The following CAPZB variants were observed in gnomAD, a reference collection of about 807,000 sequenced individuals.
CAPZB encodes F-actin-capping protein subunit beta.
CAPZB carries 2 observed loss-of-function variants against 38.1 expected under a neutral mutation model. That is an observed-to-expected ratio of 0.05 (90% CI 0.02 to 0.17). The LOEUF (loss-of-function observed/expected upper bound fraction) is 0.17, where lower values mean the gene tolerates loss of function less well. Among genes scored for constraint, CAPZB ranks in the 10% least tolerant of loss-of-function variants. The pLI is 1.00. For synonymous variants in CAPZB, 107 were observed against 127.4 expected (o/e 0.84, Z 1.08); for missense variants, 161 against 334.2 (o/e 0.48, Z 4.04).
rs923836204 is a variant in CAPZB at position 19,420,412 on chromosome 1, T to TA, written c.4-663dup. On this transcript the variant is annotated intron_variant, in intron 1 of 8. Transcript: ENST00000264202. ...TACTCTTGTTTATCAAGCACTCTTTTAAAAAATGTTTTTCATTTTTTAAAG... is the reference window on the plus strand; with the variant it reads ...TACTCTTGTTTATCAAGCACTCTTTTAAAAAAATGTTTTTCATTTTTTAAAG... 1.1e-3 allele frequency among the ~76,000 whole-genome samples: 173 copies of TA among 152,256 alleles called. 3 individuals carry two copies. Among genetic ancestry groups the TA allele is most frequent in the African/African-American group, 4.1e-3 (170 of 41,546 alleles).
At chr1:19,428,711 G>A (rs572741419) in intron 1 of CAPZB, among the ~76,000 whole-genome samples, 3 of 152,114 alleles carry the variant, frequency 2.0e-5, no homozygotes, top group East Asian at 1.9e-4. Flanking sequence ...ACCTAAACCT[G>A]GATCTTCTTC....
intron 1 of CAPZB, among the ~76,000 whole-genome samples, chr1:19,422,659 C>A (rs1364139915): frequency 6.6e-6 from 1 of 151,882 alleles, no homozygotes; most frequent in African/African-American, 2.4e-5. Flanking sequence ...ATGGCATGAA[C>A]CCGGGAGGCA....
intron 4 of CAPZB, among the ~76,000 whole-genome samples, chr1:19,360,225 G>A (rs535053148): frequency 9.8e-5 from 15 of 152,314 alleles, no homozygotes; most frequent in African/African-American, 3.1e-4. Flanking sequence ...TAACAGACCT[G>A]CTAATACCCT....
chr1:19,357,733 C>G lies in CAPZB; in HGVS notation c.330-170G>C, dbSNP rs919349784. On this transcript the variant is annotated intron_variant, in intron 4 of 8. Transcript: ENST00000264202. The surrounding 1 kb of genome is among the most constrained non-coding windows in gnomAD (Gnocchi z 4.3). ...CGTTCTGTGGCTGGGGGAGGGGGTG[C>G]AGCATTCCTGGGGGTGTAGTAGGTT... is the stretch of plus-strand genomic sequence containing the variant. Among the ~76,000 whole-genome samples the G allele has an allele frequency of 1.3e-5, 2 of 151,886 alleles. No homozygotes were observed. The highest frequency in any genetic ancestry group is 2.9e-5 in the Non-Finnish European group (2 of 67,990).
chr1:19,451,391 A>C (rs986807511), intron 1 of CAPZB, among the ~76,000 whole-genome samples: 23 of 152,348 alleles, frequency 1.5e-4, no homozygotes, highest in African/African-American at 4.3e-4. Context: ...AAGGCCTTTC[A>C]GAGTGGAAAT....
At chr1:19,339,653 C>T (rs1421792869) in intron 8 of CAPZB, 36 bp from the exon 9 acceptor site, 2 of 1,515,250 alleles carry the variant, frequency 1.3e-6, no homozygotes, top group Admixed American at 1.7e-5. Flanking sequence ...GCAGATTGAA[C>T]AGGGACTGGT....
intron 2 of CAPZB, among the ~76,000 whole-genome samples, chr1:19,396,092 G>A (rs547207673): frequency 1.3e-5 from 2 of 152,362 alleles, no homozygotes; most frequent in Non-Finnish European, 2.9e-5. Flanking sequence ...AGCCGCGACG[G>A]CAGAGGCCGT....
At chr1:19,464,563 A>T (rs1281272072) in intron 1 of CAPZB, among the ~76,000 whole-genome samples, 2 of 152,038 alleles carry the variant, frequency 1.3e-5, no homozygotes, top group Non-Finnish European at 1.5e-5. Context: ...AAATGCTGGG[A>T]TTACAGGTGT....
chr1:19,405,317 A>G (rs542042094), intron 2 of CAPZB, among the ~76,000 whole-genome samples: 5 of 152,254 alleles, frequency 3.3e-5, no homozygotes, highest in Admixed American at 2.0e-4. Context: ...CGGAAGCCAG[A>G]GGGCCCTCCA....
chr1:19,474,170 AT>A, intron 1 of CAPZB, among the ~76,000 whole-genome samples: 1 of 151,952 alleles, frequency 6.6e-6, no homozygotes, highest in African/African-American at 2.4e-5. Context: ...TAATTTTTGT[AT>A]TTTTTGTAGA....
intron 4 of CAPZB, among the ~76,000 whole-genome samples, chr1:19,373,308 AG>A (rs1460758363): frequency 2.0e-5 from 3 of 152,176 alleles, no homozygotes; most frequent in Non-Finnish European, 4.4e-5. Flanking sequence ...TTCAATCCAC[AG>A]GGGAGAGGGG....
At chr1:19,374,826 G>A (rs1378983605) in intron 4 of CAPZB, among the ~76,000 whole-genome samples, 3 of 152,258 alleles carry the variant, frequency 2.0e-5, no homozygotes, top group East Asian at 1.9e-4. Flanking sequence ...CTGAACAGAA[G>A]ATAGGTGGGA....
chr1:19,440,831 A>T (rs979712352), intron 1 of CAPZB, among the ~76,000 whole-genome samples: 16 of 152,218 alleles, frequency 1.1e-4, no homozygotes, highest in Admixed American at 2.6e-4. Flanking sequence ...GAGGCCGAGG[A>T]GGGCAGATCA....
intron 1 of CAPZB, among the ~76,000 whole-genome samples, chr1:19,474,749 G>T (rs368699401): frequency 1.3e-5 from 2 of 152,120 alleles, no homozygotes; most frequent in East Asian, 1.9e-4. Context: ...GGGGTCGTGC[G>T]GGTGACGAGG....
chr1:19,462,465 A>G (rs955251572), intron 1 of CAPZB, among the ~76,000 whole-genome samples: 1 of 152,144 alleles, frequency 6.6e-6, no homozygotes, highest in African/African-American at 2.4e-5. Context: ...CTCAAAAAAA[A>G]AAAAAATTAA....
In CAPZB at chr1:19,462,330, C is replaced by T. The variant is rs370909844; in HGVS notation, c.3+23106G>A. 9.2e-5 allele frequency among the ~76,000 whole-genome samples: 14 copies of T among 151,538 alleles called. No individual in the cohort carries two copies. The East Asian group carries it at 9.7e-4, about 11-fold the overall frequency. ...AAAATTAGCCAGGCGTGGTGGCGGG[C>T]GCCTGTAGTCCCAGCTACTCAGGAG... On this transcript the variant is annotated intron_variant, in intron 1 of 8. Coordinates refer to ENST00000264202, the MANE Select transcript of CAPZB (RefSeq NM_004930.5).
In CAPZB at chr1:19,411,009, TCTGTCAGTACTTG is replaced by T. The variant is rs1271286313; in HGVS notation, c.93+8639_93+8651del. 2.8e-4 allele frequency among the ~76,000 whole-genome samples: 42 copies of T among 152,244 alleles called. 1 individual carries two copies. Among genetic ancestry groups the T allele is most frequent in the African/African-American group, 9.4e-4 (39 of 41,558 alleles). ...TGAAGCGTATTAATAATGAGACCCA[TCTGTCAGTACTTG>T]CTGACATCTGATGGAGATCCATTAA... On this transcript the variant is annotated intron_variant, in intron 2 of 8. Transcript: ENST00000264202.
At chr1:19,454,542 C>A (rs2094527088) in intron 1 of CAPZB, among the ~76,000 whole-genome samples, 1 of 152,132 alleles carries the variant, frequency 6.6e-6, no homozygotes, top group Non-Finnish European at 1.5e-5. Context: ...TTGGTCCTTA[C>A]AACAACCCTC....
intron 2 of CAPZB, among the ~76,000 whole-genome samples, chr1:19,398,378 A>C (rs1558224824): frequency 6.6e-6 from 1 of 152,210 alleles, no homozygotes; most frequent in African/African-American, 2.4e-5. Flanking sequence ...ACTGAGTCAG[A>C]GGGCGGAGGT....
Sources: allele counts gnomAD v4.1 joint callset (sites outside exome capture counted in the v4.1 genomes callset), GRCh38; gene constraint gnomAD v4.1.1; non-coding constraint Gnocchi (gnomAD v3.1); transcripts MANE v1.5; gene names NCBI Gene and HGNC (gene_info 2026-07-23, HGNC 2026-07-21).